The following RSPH14 variants were observed in gnomAD, a reference collection of about 807,000 sequenced individuals.
RSPH14 encodes rhabdoid tumor deletion region gene 1.
RSPH14 carries 20 observed loss-of-function variants against 26.7 expected under a neutral mutation model. The observed-to-expected ratio is 0.75, with a 90% CI of 0.53 to 1.09. The LOEUF (loss-of-function observed/expected upper bound fraction) is 1.09. RSPH14 is among the 50% of genes least tolerant of loss of function. The pLI is 0.00. For synonymous variants in RSPH14, 177 were observed against 189.3 expected (o/e 0.93, Z 0.53); for missense variants, 449 against 457.2 (o/e 0.98, Z 0.16).
intron 4 of RSPH14, among the ~76,000 whole-genome samples, chr22:23,097,839 C>T (rs2069171949): frequency 6.6e-6 from 1 of 152,228 alleles, no homozygotes; most frequent in South Asian, 2.1e-4. Flanking sequence ...CATGGTGGGT[C>T]TGCCAGTCAC....
At chr22:23,139,511 C>T (rs2070551667) in intron 2 of RSPH14, among the ~76,000 whole-genome samples, 1 of 152,228 alleles carries the variant, frequency 6.6e-6, no homozygotes, top group Admixed American at 6.5e-5. Flanking sequence ...GTCCCAGCTA[C>T]TCAGGAGGCT....
At chr22:23,146,692 A>C, upstream of RSPH14, 2 of 1,613,504 alleles carry the variant, frequency 1.2e-6, no homozygotes, top group South Asian at 2.2e-5. Context: ...TAAGGTAGAG[A>C]GTCATTACGT....
chr22:23,127,510 G>A (rs186654003), intron 4 of RSPH14, among the ~76,000 whole-genome samples: 1 of 152,280 alleles, frequency 6.6e-6, no homozygotes, highest in East Asian at 1.9e-4. Flanking sequence ...GCATCAAGGG[G>A]AGGAGGAGGA....
chr22:23,063,540 G>A (rs2068134586), intron 5 of RSPH14, among the ~76,000 whole-genome samples: 1 of 152,178 alleles, frequency 6.6e-6, no homozygotes, highest in Non-Finnish European at 1.5e-5. Context: ...CTCCCTGGAG[G>A]GTCGCCTAAA....
chr22:23,071,724 A>G lies in RSPH14; in HGVS notation c.422-7591T>C, dbSNP rs562954512. Among the ~76,000 whole-genome samples the G allele has an allele frequency of 6.6e-6, 1 of 152,060 alleles. No individual in the cohort carries two copies. Among genetic ancestry groups the G allele is most frequent in the Non-Finnish European group, 1.5e-5 (1 of 68,022 alleles). ...TGCAGGTGCAGGGGCCTCGGGAGGGACCTCAGAGTGGTGTCCTGGGCTGGG... is the reference window on the plus strand; with the variant it reads ...TGCAGGTGCAGGGGCCTCGGGAGGGGCCTCAGAGTGGTGTCCTGGGCTGGG... On this transcript the variant is annotated intron_variant, in intron 4 of 6. Transcript: ENST00000216036. The surrounding 1 kb of genome is among the most constrained non-coding windows in gnomAD (Gnocchi z 4.1).
intron 1 of RSPH14, among the ~76,000 whole-genome samples, chr22:23,141,595 G>C (rs1463208794): frequency 6.6e-6 from 1 of 152,190 alleles, no homozygotes; most frequent in African/African-American, 2.4e-5. Flanking sequence ...TGTTGGCTGT[G>C]GTTATTATTA....
chr22:23,167,710 TA>T, the RSPH14 span, among the ~76,000 whole-genome samples: 17 of 151,882 alleles, frequency 1.1e-4, 1 homozygote, highest in African/African-American at 3.9e-4. Context: ...TTAATTAATT[TA>T]TTTTTTTTTT....
At chr22:23,076,414 G>A (rs1451944583) in intron 4 of RSPH14, among the ~76,000 whole-genome samples, 1 of 152,208 alleles carries the variant, frequency 6.6e-6, no homozygotes. Context: ...CCCTAGGGCT[G>A]AGCTGTGTGC....
intron 4 of RSPH14, chr22:23,096,392 C>T (rs199896240): frequency 6.2e-7 from 1 of 1,610,742 alleles, no homozygotes; most frequent in African/African-American, 1.3e-5. Context: ...CGGCTACGAC[C>T]TGAAACTCTA....
upstream of RSPH14, chr22:23,145,495 G>T: frequency 6.2e-7 from 1 of 1,607,634 alleles, no homozygotes. Context: ...GGTGATCGCC[G>T]CCGCTGGCTC....
chr22:23,154,137 C>G, the RSPH14 span, among the ~76,000 whole-genome samples: 14 of 152,148 alleles, frequency 9.2e-5, no homozygotes, highest in Non-Finnish European at 1.5e-5. Flanking sequence ...GGTAGCTTCC[C>G]TCTGCCCCGG....
intron 4 of RSPH14, chr22:23,124,783 T>C (rs1364416233): frequency 6.3e-6 from 1 of 158,178 alleles, no homozygotes; most frequent in African/African-American, 2.4e-5. Context: ...CCAGGGCCTA[T>C]GGGCAACTGC....
At chr22:23,074,474 A>G (rs2068459901) in intron 4 of RSPH14, among the ~76,000 whole-genome samples, 1 of 152,034 alleles carries the variant, frequency 6.6e-6, no homozygotes, top group African/African-American at 2.4e-5. Flanking sequence ...AGAGGTGGGG[A>G]ATTAGGAGGT....
intron 4 of RSPH14, among the ~76,000 whole-genome samples, chr22:23,073,797 G>A (rs2068437351): frequency 6.6e-6 from 1 of 152,230 alleles, no homozygotes; most frequent in African/African-American, 2.4e-5. Context: ...CACTGTGCCA[G>A]GTGCAGGGGT....
the RSPH14 span, chr22:23,162,489 A>G: frequency 1.5e-5 from 6 of 388,118 alleles, no homozygotes; most frequent in African/African-American, 4.1e-5. Flanking sequence ...GACCTTTGTA[A>G]TGGTGTCCAT....
the RSPH14 span, among the ~76,000 whole-genome samples, chr22:23,151,429 C>T: frequency 6.6e-6 from 1 of 152,196 alleles, no homozygotes; most frequent in Non-Finnish European, 1.5e-5. Context: ...CCTGCTCTCA[C>T]GGACCTGGCA....
chr22:23,096,207 C>G (rs2069118392), intron 4 of RSPH14: 1 of 1,613,762 alleles, frequency 6.2e-7, no homozygotes, highest in East Asian at 2.2e-5. Context: ...TATATCCCCA[C>G]TGTCGAGGAC....
At chr22:23,109,205 G>C (rs2069572346) in intron 4 of RSPH14, among the ~76,000 whole-genome samples, 1 of 152,150 alleles carries the variant, frequency 6.6e-6, no homozygotes, top group South Asian at 2.1e-4. Context: ...CCGAGCCTCT[G>C]GGGTAAGGTA....
chr22:23,143,161 C>T (rs6003522), upstream of RSPH14, among the ~76,000 whole-genome samples: 772 of 152,134 alleles, frequency 5.1e-3, 7 homozygotes, highest in African/African-American at 0.017. Flanking sequence ...TGCAGTGGCT[C>T]ATACCTGTAA....
Sources: gnomAD v4.1 joint callset for allele counts (sites outside exome capture counted in the v4.1 genomes callset) on GRCh38, gnomAD v4.1.1 for gene constraint, Gnocchi (gnomAD v3.1) non-coding constraint, MANE v1.5 for transcripts, NCBI Gene and HGNC (gene_info 2026-07-23, HGNC 2026-07-21) for gene names.